PPP2R3B: variants seen among roughly 807,000 people sequenced by gnomAD.
PPP2R3B encodes the protein serine/threonine-protein phosphatase 2A regulatory subunit B'' subunit beta.
PPP2R3B carries 68 observed loss-of-function variants against 72.9 expected under a neutral mutation model. That is an observed-to-expected ratio of 0.93 (90% CI 0.77 to 1.14). The LOEUF is 1.14. PPP2R3B is among the 50% of genes most tolerant of loss of function. The pLI is 0.00. For missense variants in PPP2R3B, 1,018 were observed against 842.0 expected (o/e 1.21, Z -2.59); for synonymous variants, 466 against 375.8 (o/e 1.24, Z -2.78).
rs2070822135 is a variant in PPP2R3B at position 334,228 on chromosome X, A to G, written c.*139T>C. 9.2e-7 allele frequency: 1 copy of G among 1,087,790 alleles called. No homozygotes were observed. The highest frequency in any genetic ancestry group is 2.1e-5 in the South Asian group (1 of 48,582). 67.4% of individuals were successfully genotyped at this position (1,087,790 alleles called of 1,614,324 possible). On this transcript the variant is annotated 3_prime_UTR_variant, in exon 13 of 13. Coordinates refer to ENST00000390665, the MANE Select transcript of PPP2R3B (RefSeq NM_013239.5). Reference sequence around the variant, plus strand: ...CAGCCACGAACCCACAGCGGCAATCAACACGCTTCTGTGAATAAATAAAAG... The same window carrying G: ...CAGCCACGAACCCACAGCGGCAATCGACACGCTTCTGTGAATAAATAAAAG...
At chrX:381,372 T>C (rs186334681) in intron 1 of PPP2R3B, among the ~76,000 whole-genome samples, 2 of 152,142 alleles carry the variant, frequency 1.3e-5, no homozygotes, top group Non-Finnish European at 1.5e-5. Flanking sequence ...CCTTTCACCC[T>C]TGGCTGGGGA....
chrX:380,853 CTTACT>C (rs1048132092), intron 1 of PPP2R3B, among the ~76,000 whole-genome samples: 7 of 143,622 alleles, frequency 4.9e-5, no homozygotes, highest in Non-Finnish European at 9.1e-5. Context: ...CTTGTAAGAA[CTTACT>C]TTAAAGATGC....
At chrX:349,305 A>G (rs1390019730) in intron 2 of PPP2R3B, among the ~76,000 whole-genome samples, 4 of 152,122 alleles carry the variant, frequency 2.6e-5, no homozygotes, top group Admixed American at 1.3e-4. Context: ...CCACACCGAG[A>G]TCTTCCAGCC....
chrX:357,022 C>T (rs1297677822), intron 2 of PPP2R3B, among the ~76,000 whole-genome samples: 3 of 151,554 alleles, frequency 2.0e-5, no homozygotes, highest in African/African-American at 4.9e-5. Context: ...CCTGTATACA[C>T]AAATATTACT....
intron 1 of PPP2R3B, among the ~76,000 whole-genome samples, chrX:367,409 G>C (rs1320078475): frequency 1.3e-5 from 2 of 149,486 alleles, no homozygotes; most frequent in African/African-American, 4.9e-5. Flanking sequence ...ATTGGGCTTT[G>C]AAAAATTTAG....
chrX:346,834 C>A (rs2071226844), intron 4 of PPP2R3B, 59 bp from the exon 5 acceptor site: 1 of 1,472,236 alleles, frequency 6.8e-7, no homozygotes, highest in Non-Finnish European at 9.4e-7. Context: ...GTGAGGTGTG[C>A]GGTGTGGACG....
chrX:356,637 A>G (rs2071439013), intron 2 of PPP2R3B, among the ~76,000 whole-genome samples: 1 of 152,234 alleles, frequency 6.6e-6, no homozygotes, highest in Non-Finnish European at 1.5e-5. Flanking sequence ...AAATCAGTGC[A>G]CAGACACACA....
At chrX:358,286 G>A (rs970063752) in intron 2 of PPP2R3B, among the ~76,000 whole-genome samples, 7 of 152,068 alleles carry the variant, frequency 4.6e-5, no homozygotes, top group African/African-American at 1.7e-4. Context: ...GTTTGCCTGC[G>A]GCCCCCACAC....
At chrX:341,952 T>C (rs2071088961) in intron 7 of PPP2R3B, 21 bp from the exon 8 acceptor site, 2 of 1,612,400 alleles carry the variant, frequency 1.2e-6, no homozygotes, top group Admixed American at 1.7e-5. Flanking sequence ...ATGCGGTTGA[T>C]GGGCAGCCCG....
chrX:363,524 G>GCATCTCCATGAGTCCACGATCCCA (rs1569403951), intron 1 of PPP2R3B, among the ~76,000 whole-genome samples: 8 of 5,234 alleles, frequency 1.5e-3, no homozygotes, highest in Non-Finnish European at 2.1e-3. Flanking sequence ...CCGCGATCCC[G>GCATCTCCATGAGTCCACGATCCCA]CAGTGCATCT....
chrX:334,060 G>A lies in PPP2R3B; in HGVS notation c.*307C>T, dbSNP rs1442837815. 1.5e-4 allele frequency: 44 copies of A among 299,440 alleles called. No homozygotes were observed. Among genetic ancestry groups the A allele is most frequent in the East Asian group, 6.4e-4 (11 of 17,314 alleles). The allele number at this position is 299,440 out of a possible 1,614,324, so 18.5% of individuals were successfully genotyped here. On this transcript the variant is annotated 3_prime_UTR_variant, in exon 13 of 13. Transcript: ENST00000390665. ...CGGGAGCCGCCGGTCACCGTTGTGC[G>A]CACACGGACCCTTTCCACAGACGCA...
intron 1 of PPP2R3B, among the ~76,000 whole-genome samples, chrX:361,949 C>T (rs1340497478): frequency 6.6e-6 from 1 of 152,134 alleles, no homozygotes; most frequent in Non-Finnish European, 1.5e-5. Context: ...ACTGACCCCA[C>T]CACACCTGGC....
chrX:361,096 G>T (rs755580797), intron 2 of PPP2R3B, among the ~76,000 whole-genome samples: 1 of 152,312 alleles, frequency 6.6e-6, no homozygotes, highest in African/African-American at 2.4e-5. Flanking sequence ...GGAGGGGAGA[G>T]AAGGGGAGGG....
intron 1 of PPP2R3B, among the ~76,000 whole-genome samples, chrX:378,059 A>G (rs1173250925): frequency 6.6e-6 from 1 of 152,208 alleles, no homozygotes; most frequent in Non-Finnish European, 1.5e-5. Context: ...AGGGCTGTCT[A>G]TACACTACTG....
Position 344,693 on chromosome X carries a change from G to A in PPP2R3B, c.1036+823C>T, listed in dbSNP as rs758019804. 2.3e-4 allele frequency among the ~76,000 whole-genome samples: 35 copies of A among 152,342 alleles called. 1 individual carries two copies. Among genetic ancestry groups the A allele is most frequent in the Middle Eastern group, 3.4e-3 (1 of 294 alleles). On this transcript the variant is annotated intron_variant, in intron 7 of 12. Coordinates refer to ENST00000390665, the MANE Select transcript of PPP2R3B (RefSeq NM_013239.5). Reference sequence around the variant, plus strand: ...GTGCTCTCCTCGTGGCTAGTTAGGGGCCCAGGGCGCAGGTGGCTCCCTGAA... The same window carrying A: ...GTGCTCTCCTCGTGGCTAGTTAGGGACCCAGGGCGCAGGTGGCTCCCTGAA...
At chrX:376,588 G>A (rs1213646506) in intron 1 of PPP2R3B, among the ~76,000 whole-genome samples, 1 of 64,768 alleles carries the variant, frequency 1.5e-5, no homozygotes, top group African/African-American at 7.5e-5. Context: ...ATGCAGGGAC[G>A]GGCCGTCCAC....
At chrX:371,748 AACAG>A (rs1292222676) in intron 1 of PPP2R3B, among the ~76,000 whole-genome samples, 62 of 152,190 alleles carry the variant, frequency 4.1e-4, no homozygotes, top group African/African-American at 1.4e-3. Flanking sequence ...GGGTGGACCC[AACAG>A]ACAGAGCCCA....
rs1452959170 is a variant in PPP2R3B, at chrX:338,692, G to A, written c.1489C>T (p.Pro497Ser). 6.2e-7 allele frequency: 1 copy of A among 1,611,686 alleles called. No homozygotes were observed. Among genetic ancestry groups the A allele is most frequent in the South Asian group, 1.1e-5 (1 of 91,044 alleles). The change falls in exon 12 of 13, where the codon CCC (proline) becomes TCC (serine). Residue 497 changes from proline (P) to serine (S), a missense_variant. Physicochemically the swap from Pro to Ser is moderately conservative, Grantham distance 74 (BLOSUM62 -1). Transcript: ENST00000390665. The stretch of plus-strand genomic sequence containing the variant: ...TACTTCTCCCAGTCCGAGAGCTCGG[G>A]GCCGCCGCTGTCACCGTCCTGGAGG... ...SLLRDGDSGG[P>S]ELSDWEKYAA...
chrX:347,831 G>C (rs145176696), intron 2 of PPP2R3B, 138 bp from the exon 3 acceptor site: 1 of 615,016 alleles, frequency 1.6e-6, no homozygotes, highest in Non-Finnish European at 2.8e-6. Context: ...CGGCCTGTCT[G>C]GGCATCTGCA....
Sources: gnomAD v4.1 joint callset for allele counts (sites outside exome capture counted in the v4.1 genomes callset) on GRCh38, gnomAD v4.1.1 for gene constraint, MANE v1.5 for transcripts, NCBI Gene and HGNC (gene_info 2026-07-23, HGNC 2026-07-21) for gene names.